Variants in CTDNEP1 observed in about 807,000 individuals in gnomAD.
The protein encoded by CTDNEP1 is C-terminal domain nuclear envelope phosphatase 1.
Under a neutral mutation model 30.1 loss-of-function variants are expected in CTDNEP1, and 3 were observed. That is an observed-to-expected ratio of 0.10 (90% CI 0.05 to 0.26). The LOEUF is 0.26. CTDNEP1 is among the 10% of genes least tolerant of loss of function. The pLI, the probability that CTDNEP1 is intolerant of heterozygous loss-of-function variation, is 1.00. For synonymous variants in CTDNEP1, 123 were observed against 118.8 expected (o/e 1.04, Z -0.23); for missense variants, 158 against 310.4 (o/e 0.51, Z 3.69).
In CTDNEP1 at chr17:7,246,158, T is replaced by C. The variant is rs1162300902; in HGVS notation, c.478-21A>G. ...CAGTGCTGGAAGGCAGGGGATCATG[T>C]AGCAGGCCTCTCTCCAGGATACTCT... On this transcript the variant is annotated intron_variant, in intron 5 of 7. Coordinates refer to ENST00000574322, the MANE Select transcript of CTDNEP1 (RefSeq NM_001143775.2). This position sits in a 1 kb window ranked among gnomAD's most constrained non-coding sequence, Gnocchi z 4.9. 4.4e-6 allele frequency: 7 copies of C among 1,599,202 alleles called. No individual in the cohort carries two copies. The highest frequency in any genetic ancestry group is 4.3e-6 in the Non-Finnish European group (5 of 1,166,562).
Position 7,246,425 on chromosome 17 carries a change from C to G in CTDNEP1, c.361-55G>C. Reference sequence around the variant, plus strand: ...CATACAAGGTGATGATTCCTTTAGACATACAGTTATCTTTCAGAAAGGCAA... The same window carrying G: ...CATACAAGGTGATGATTCCTTTAGAGATACAGTTATCTTTCAGAAAGGCAA... On this transcript the variant is annotated intron_variant, in intron 4 of 7. Transcript: ENST00000574322. This position sits in a 1 kb window ranked among gnomAD's most constrained non-coding sequence, Gnocchi z 4.9. 7.9e-7 allele frequency: 1 copy of G among 1,267,628 alleles called. No homozygotes were observed. Among genetic ancestry groups the G allele is most frequent in the East Asian group, 2.3e-5 (1 of 43,044 alleles). The allele number at this position is 1,267,628 out of a possible 1,614,324, so 78.5% of individuals were successfully genotyped here.
chr17:7,246,556 CTT>C lies in CTDNEP1; in HGVS notation c.361-188_361-187del, dbSNP rs2071840331. ...AACTCAGTGTTAGGCATCCTACACT[CTT>C]ATGATTCAGAAATGCAAGAACAAAA... On this transcript the variant is annotated intron_variant, in intron 4 of 7. Transcript: ENST00000574322. The surrounding 1 kb of genome is among the most constrained non-coding windows in gnomAD (Gnocchi z 4.9). The C allele has an allele frequency of 1.6e-6, 1 of 639,212 alleles. No homozygotes were observed. The highest frequency in any genetic ancestry group is 2.8e-6 in the Non-Finnish European group (1 of 363,028). The allele number at this position is 639,212 out of a possible 1,614,324, so 39.6% of individuals were successfully genotyped here. A position where few individuals can be genotyped will look rare whatever the true frequency, so the allele number is the denominator to read the frequency against.
chr17:7,245,509 T>C (rs549546213), intron 6 of CTDNEP1, among the ~76,000 whole-genome samples: 8 of 151,290 alleles, frequency 5.3e-5, no homozygotes, highest in Admixed American at 2.0e-4. Flanking sequence ...TTATTATTTA[T>C]TTTTTTTGAG....
intron 1 of CTDNEP1, among the ~76,000 whole-genome samples, chr17:7,247,615 T>C (rs1430779620): frequency 4.6e-5 from 7 of 151,764 alleles, no homozygotes; most frequent in African/African-American, 1.7e-4. Flanking sequence ...ACTACAGGCG[T>C]GCACCACCAC....
chr17:7,246,912 GGCCTAGAAAAC>G lies in CTDNEP1; in HGVS notation c.289-61_289-51del. ...GGGATGTCATGACCACCACAACCCA[GGCCTAGAAAAC>G]GCCCCACCCATCTGCTTCCCTCCTC... On this transcript the variant is annotated intron_variant, in intron 3 of 7. Transcript: ENST00000574322. The surrounding 1 kb of genome is among the most constrained non-coding windows in gnomAD (Gnocchi z 4.9). 1.3e-6 allele frequency: 2 copies of G among 1,560,806 alleles called. No homozygotes were observed. The highest frequency in any genetic ancestry group is 1.8e-6 in the Non-Finnish European group (2 of 1,132,476).
intron 6 of CTDNEP1, 45 bp from the exon 7 acceptor site, chr17:7,244,680 G>A (rs745856064): frequency 7.1e-7 from 1 of 1,403,506 alleles, no homozygotes. Flanking sequence ...GAATTCAAGA[G>A]AGACGGTGTT....
In CTDNEP1 at chr17:7,243,772, G is replaced by A. The variant is rs1367681102; in HGVS notation, c.*413C>T. 6 of 233,594 alleles carry A rather than the reference G, an allele frequency of 2.6e-5. No individual in the cohort carries two copies. Among genetic ancestry groups the A allele is most frequent in the Non-Finnish European group, 3.0e-5 (4 of 133,096 alleles). 14.5% of individuals were successfully genotyped at this position (233,594 alleles called of 1,614,324 possible). On this transcript the variant is annotated 3_prime_UTR_variant, in exon 8 of 8. Transcript: ENST00000574322. ...TCCCACCCACAGCCCAGCCCTTGGA[G>A]CAGGAGTGAAGAATTAGATCAGTTT...
Position 7,244,200 on chromosome 17 carries a change from TTGG to T in CTDNEP1, c.717_719del (p.His239del). On this transcript the variant is annotated inframe_deletion, in exon 8 of 8. Coordinates refer to ENST00000574322, the MANE Select transcript of CTDNEP1 (RefSeq NM_001143775.2). ...GGAGCAGCTGTCACCAGAGCCGATGTTGGTGAAGGTTTCGGCTCAGCACGGAAC... is the reference window on the plus strand; with the variant it reads ...GGAGCAGCTGTCACCAGAGCCGATGTTGAAGGTTTCGGCTCAGCACGGAAC... The T allele has an allele frequency of 6.2e-7, 1 of 1,613,980 alleles. No homozygotes were observed. The highest frequency in any genetic ancestry group is 8.5e-7 in the Non-Finnish European group (1 of 1,179,968).
At chr17:7,247,923 T>C (rs1283333082) in intron 1 of CTDNEP1, among the ~76,000 whole-genome samples, 4 of 152,126 alleles carry the variant, frequency 2.6e-5, no homozygotes, top group Non-Finnish European at 5.9e-5. Context: ...AGATCATGGC[T>C]GTATTCCCAG....
intron 6 of CTDNEP1, 117 bp from the exon 7 acceptor site, chr17:7,244,752 G>T: frequency 1.3e-6 from 1 of 764,688 alleles, no homozygotes; most frequent in Non-Finnish European, 2.0e-6. Context: ...ACTACCGGAA[G>T]TCAACAACCT....
chr17:7,249,098 A>T (rs954940926), intron 1 of CTDNEP1, among the ~76,000 whole-genome samples: 6 of 152,190 alleles, frequency 3.9e-5, no homozygotes, highest in Non-Finnish European at 2.9e-5. Flanking sequence ...TGAGAGGTGA[A>T]TAAGGGACAA....
At position 7,246,083 on chromosome 17, in the gene CTDNEP1, C is replaced by A; in HGVS notation, c.532G>T (p.Asp178Tyr). 2 of 1,614,070 alleles carry A rather than the reference C, an allele frequency of 1.2e-6. No individual in the cohort carries two copies. Among genetic ancestry groups the A allele is most frequent in the South Asian group, 2.2e-5 (2 of 91,052 alleles). ...TCCAGGATCACAATGCTGGAGAGGT[C>A]ACTGTGGACCACAGAGAGGTCCTTG... ...YIKDLSVVHS[D>Y]LSSIVILDNS... is the part of the protein sequence containing the mutation. The change falls in exon 6 of 8, where the codon GAC (aspartate) becomes TAC (tyrosine). Residue 178 changes from aspartate (D) to tyrosine (Y), a missense_variant. Physicochemically the swap from Asp to Tyr is radical, Grantham distance 160 (BLOSUM62 -3). Transcript: ENST00000574322. The surrounding 1 kb of genome is among the most constrained non-coding windows in gnomAD (Gnocchi z 4.9).
At position 7,251,273 on chromosome 17, in the gene CTDNEP1, C is replaced by T. The variant is rs1301259998; in HGVS notation, c.24G>A (p.Leu8=). 3.1e-6 allele frequency: 5 copies of T among 1,592,504 alleles called. No individual in the cohort carries two copies. In the Admixed American group the frequency reaches 7.0e-5, roughly 22 times the overall value. The part of the protein sequence containing the change: MMRTQCL[L]GLRTFVAFAA... ...CGAAGGCCACGAACGTGCGCAGCCC[C>T]AGCAGACACTGCGTCCGCATCATCC... Residue 8 remains leucine (L), a synonymous_variant, in exon 1 of 8, where the codon CTG becomes CTA. Coordinates refer to ENST00000574322, the MANE Select transcript of CTDNEP1 (RefSeq NM_001143775.2).
rs373439928 is a variant in CTDNEP1 at position 7,246,395 on chromosome 17, G to A, written c.361-25C>T. The A allele has an allele frequency of 1.9e-5, 28 of 1,510,430 alleles. No homozygotes were observed. The African/African-American group carries it at 2.9e-4, about 16-fold the overall frequency. The allele number at this position is 1,510,430 out of a possible 1,614,324, so 93.6% of individuals were successfully genotyped here. A position where few individuals can be genotyped will look rare whatever the true frequency, so the allele number is the denominator to read the frequency against. ...CCTGAAATAGATTGGGGGAGAGGGC[G>A]ATGCCATACAAGGTGATGATTCCTT... On this transcript the variant is annotated intron_variant, in intron 4 of 7. Coordinates refer to ENST00000574322, the MANE Select transcript of CTDNEP1 (RefSeq NM_001143775.2). This position sits in a 1 kb window ranked among gnomAD's most constrained non-coding sequence, Gnocchi z 4.9.
intron 1 of CTDNEP1, among the ~76,000 whole-genome samples, chr17:7,249,649 G>A (rs1191337331): frequency 6.6e-6 from 1 of 152,154 alleles, no homozygotes; most frequent in Non-Finnish European, 1.5e-5. Flanking sequence ...CGGGTGCAGT[G>A]GCTCAATCCC....
In CTDNEP1 at chr17:7,251,630, G is replaced by A. The variant is rs1446247608; in HGVS notation, c.-334C>T. 6.2e-6 allele frequency: 1 copy of A among 160,930 alleles called. No homozygotes were observed. Among genetic ancestry groups the A allele is most frequent in the Non-Finnish European group, 1.3e-5 (1 of 74,812 alleles). 10.0% of individuals were successfully genotyped at this position (160,930 alleles called of 1,614,324 possible). ...GAGGGAAGGGGAAGGATAATTGGGG[G>A]AGGGGGCAGTGGGGGAGGGGGCTAG... is the stretch of plus-strand genomic sequence containing the variant. On this transcript the variant is annotated 5_prime_UTR_variant, in exon 1 of 8. Coordinates refer to ENST00000574322, the MANE Select transcript of CTDNEP1 (RefSeq NM_001143775.2).
chr17:7,249,339 C>T (rs1373681662), intron 1 of CTDNEP1, among the ~76,000 whole-genome samples: 1 of 152,170 alleles, frequency 6.6e-6, no homozygotes, highest in Non-Finnish European at 1.5e-5. Context: ...TTCTTTTCTC[C>T]CTGGGCCATG....
Position 7,247,047 on chromosome 17 carries a change from T to G in CTDNEP1, c.288+17A>C, listed in dbSNP as rs368397693. The G allele has an allele frequency of 1.3e-4, 199 of 1,578,252 alleles. 1 individual carries two copies. Among genetic ancestry groups the G allele is most frequent in the Non-Finnish European group, 1.7e-4 (195 of 1,149,536 alleles). On this transcript the variant is annotated intron_variant, in intron 3 of 7. Transcript: ENST00000574322. ...GGAACAGATGGAACCATTTCATCAC[T>G]CCCCACCACCACACACCTTGAGGAT...
chr17:7,245,285 C>CT (rs1426885620), intron 6 of CTDNEP1, among the ~76,000 whole-genome samples: 1 of 150,682 alleles, frequency 6.6e-6, no homozygotes, highest in African/African-American at 2.4e-5. Flanking sequence ...GTGCGAGACT[C>CT]TGTCTCAAAA....
Sources: allele counts gnomAD v4.1 joint callset (sites outside exome capture counted in the v4.1 genomes callset), GRCh38; gene constraint gnomAD v4.1.1; non-coding constraint Gnocchi (gnomAD v3.1); transcripts MANE v1.5; gene names NCBI Gene and HGNC (gene_info 2026-07-23, HGNC 2026-07-21).